AKT3: variants seen among roughly 807,000 people sequenced by gnomAD.
AKT3 encodes the protein AKT serine/threonine kinase 3.
AKT3 carries 15 observed loss-of-function variants against 65.3 expected under a neutral mutation model. The observed-to-expected ratio is 0.23, with a 90% CI of 0.15 to 0.35. AKT3 has a LOEUF of 0.35. Among genes scored for constraint, AKT3 ranks in the 10% least tolerant of loss-of-function variants. AKT3 has a pLI of 1.00. For missense variants in AKT3, 243 were observed against 576.5 expected (o/e 0.42, Z 5.92); for synonymous variants, 206 against 183.8 (o/e 1.12, Z -0.98).
intron 2 of AKT3, among the ~76,000 whole-genome samples, chr1:243,700,585 C>T (rs577127560): frequency 6.7e-6 from 1 of 150,216 alleles, no homozygotes; most frequent in Non-Finnish European, 1.5e-5. Flanking sequence ...CTCACTGCAA[C>T]CTCTGCCTCC....
At chr1:243,813,009 C>T (rs1244406127) in intron 2 of AKT3, among the ~76,000 whole-genome samples, 5 of 126,590 alleles carry the variant, frequency 3.9e-5, no homozygotes, top group African/African-American at 1.3e-4. Flanking sequence ...AGGGGGACAT[C>T]ACACACCGGG....
chr1:243,781,204 T>G (rs1690890029), intron 2 of AKT3, among the ~76,000 whole-genome samples: 1 of 152,124 alleles, frequency 6.6e-6, no homozygotes, highest in South Asian at 2.1e-4. Context: ...TTTTTAAAGT[T>G]AACCGTAGAC....
At chr1:243,753,780 G>A (rs995496856) in intron 2 of AKT3, among the ~76,000 whole-genome samples, 6 of 152,128 alleles carry the variant, frequency 3.9e-5, no homozygotes, top group African/African-American at 1.4e-4. Context: ...GTAGTAGAGT[G>A]TAAAATAACT....
intron 13 of AKT3, 82 bp from the exon 14 acceptor site, chr1:243,505,416 A>T: frequency 8.1e-7 from 1 of 1,228,304 alleles, no homozygotes; most frequent in Non-Finnish European, 1.2e-6. Context: ...TTAAACTCTG[A>T]ACATAGGAAA....
chr1:243,741,613 T>C (rs867954927), intron 2 of AKT3, among the ~76,000 whole-genome samples: 10 of 152,224 alleles, frequency 6.6e-5, no homozygotes, highest in South Asian at 6.2e-4. Context: ...ACATGCTTTT[T>C]ATTCATTTCA....
At chr1:243,491,743 G>A (rs552003337) in intron 13 of AKT3, among the ~76,000 whole-genome samples, 30 of 152,294 alleles carry the variant, frequency 2.0e-4, no homozygotes, top group African/African-American at 6.5e-4. Context: ...ATGCGGTGCC[G>A]CCTGAGGGCT....
At chr1:243,623,983 G>A (rs1243860197) in intron 6 of AKT3, among the ~76,000 whole-genome samples, 2 of 152,164 alleles carry the variant, frequency 1.3e-5, no homozygotes. Context: ...TCCCTTTGCT[G>A]ATTTTAATCT....
chr1:243,622,590 T>C (rs548639554), intron 6 of AKT3, among the ~76,000 whole-genome samples: 2 of 152,296 alleles, frequency 1.3e-5, no homozygotes, highest in South Asian at 4.1e-4. Flanking sequence ...ATTGAAATAA[T>C]GAGTGAATGA....
intron 4 of AKT3, among the ~76,000 whole-genome samples, chr1:243,659,917 T>C (rs1682151119): frequency 6.6e-6 from 1 of 152,230 alleles, no homozygotes; most frequent in Admixed American, 6.5e-5. Flanking sequence ...TCAATGTTCA[T>C]CAAGGATATT....
intron 10 of AKT3, among the ~76,000 whole-genome samples, chr1:243,554,927 G>A (rs1673310557): frequency 6.6e-6 from 1 of 151,494 alleles, no homozygotes; most frequent in Non-Finnish European, 1.5e-5. Context: ...CAGCCAGAAG[G>A]GAAAGTGAGT....
At chr1:243,547,051 A>C (rs1329824553) in intron 11 of AKT3, 1 of 152,234 alleles carries the variant, frequency 6.6e-6, no homozygotes, top group Admixed American at 6.5e-5. Context: ...CAATGTAATG[A>C]ATCTGCATTA....
chr1:243,511,322 C>T (rs1669999059), intron 13 of AKT3, among the ~76,000 whole-genome samples: 1 of 152,152 alleles, frequency 6.6e-6, no homozygotes, highest in African/African-American at 2.4e-5. Flanking sequence ...GTGGCCAGAC[C>T]ATGGTCCCAA....
At chr1:243,780,331 T>C (rs868622319) in intron 2 of AKT3, among the ~76,000 whole-genome samples, 5 of 152,068 alleles carry the variant, frequency 3.3e-5, no homozygotes, top group South Asian at 4.1e-4. Context: ...TGATTCAAGA[T>C]TATTTTTTGT....
At position 243,798,410 on chromosome 1, in the gene AKT3, T is replaced by TG. The variant is rs1692175905; in HGVS notation, c.46+44714_46+44715insC. On this transcript the variant is annotated intron_variant, in intron 2 of 13. Transcript: ENST00000673466. ...AATTTTTAATTTTTTTTTTTTTTTTTTTTTTTTGTTTTGTAGAGATGTGGT... is the reference window on the plus strand; with the variant it reads ...AATTTTTAATTTTTTTTTTTTTTTTTGTTTTTTTGTTTTGTAGAGATGTGGT... Among the ~76,000 whole-genome samples, 5 of 135,468 alleles carry TG rather than the reference T, an allele frequency of 3.7e-5. No individual in the cohort carries two copies. The South Asian group carries it at 1.3e-3, about 35-fold the overall frequency. The allele number at this position is 135,468 out of a possible 152,430, so 88.9% of individuals were successfully genotyped here. A position where few individuals can be genotyped will look rare whatever the true frequency, so the allele number is the denominator to read the frequency against.
In AKT3 at chr1:243,815,797, T is replaced by TGTTGTTGTTGTTGTTGTA. The variant is rs973526143; in HGVS notation, c.46+27327_46+27328insTACAACAACAACAACAAC. On this transcript the variant is annotated intron_variant, in intron 2 of 13. Transcript: ENST00000673466. Reference sequence around the variant, plus strand: ...AGCTAGTTGTTGTTGTTGTTGTTGTTGTAGAGATGAGGTTTCACCATCTTG... The same window carrying TGTTGTTGTTGTTGTTGTA: ...AGCTAGTTGTTGTTGTTGTTGTTGTTGTTGTTGTTGTTGTTGTAGTAGAGATGAGGTTTCACCATCTTG... Among the ~76,000 whole-genome samples, 16 of 151,610 alleles carry TGTTGTTGTTGTTGTTGTA rather than the reference T, an allele frequency of 1.1e-4. No homozygotes were observed. In the East Asian group the frequency reaches 1.2e-3, roughly 11 times the overall value.
chr1:243,613,592 T>C (rs1678061918), intron 8 of AKT3, 79 bp downstream of exon 8: 1 of 1,160,612 alleles, frequency 8.6e-7, no homozygotes, highest in Non-Finnish European at 1.2e-6. Flanking sequence ...ACTGCTATAT[T>C]GTAACTTGTA....
intron 13 of AKT3, among the ~76,000 whole-genome samples, chr1:243,492,356 C>G (rs1666699431): frequency 8.7e-6 from 1 of 114,620 alleles, no homozygotes; most frequent in South Asian, 3.0e-4. Flanking sequence ...GACTGGAGTA[C>G]AGTGGTGCAA....
At position 243,504,876 on chromosome 1, in the gene AKT3, C is replaced by A; in HGVS notation, c.*373G>T. 1 of 255,872 alleles carries A rather than the reference C, an allele frequency of 3.9e-6. No individual in the cohort carries two copies. The highest frequency in any genetic ancestry group is 7.5e-6 in the Non-Finnish European group (1 of 133,336). The allele number at this position is 255,872 out of a possible 1,614,324, so 15.9% of individuals were successfully genotyped here. A position where few individuals can be genotyped will look rare whatever the true frequency, so the allele number is the denominator to read the frequency against. On this transcript the variant is annotated 3_prime_UTR_variant, in exon 14 of 14. Transcript: ENST00000673466. ...AAATGTACCTAGAATCAGTGTATCTCATTTAGCCTTCACTGAGGGAAAAAC... is the reference window on the plus strand; with the variant it reads ...AAATGTACCTAGAATCAGTGTATCTAATTTAGCCTTCACTGAGGGAAAAAC...
chr1:243,643,978 C>A (rs192707761), intron 5 of AKT3, among the ~76,000 whole-genome samples: 1 of 152,044 alleles, frequency 6.6e-6, no homozygotes, highest in African/African-American at 2.4e-5. Flanking sequence ...TCATTAGGAC[C>A]GTTATGGAGT....
Sources: allele counts gnomAD v4.1 joint callset (sites outside exome capture counted in the v4.1 genomes callset), GRCh38; gene constraint gnomAD v4.1.1; transcripts MANE v1.5; gene names NCBI Gene and HGNC (gene_info 2026-07-23, HGNC 2026-07-21).